AHR: variants seen among roughly 807,000 people sequenced by gnomAD.
AHR encodes the protein AH-receptor.
A neutral mutation model predicts 86.8 loss-of-function variants in AHR; 40 were observed. The observed-to-expected ratio is 0.46, with a 90% CI of 0.36 to 0.60. The LOEUF is 0.60. Ranked by LOEUF, AHR falls within the 20% of genes least tolerant of loss-of-function variation. The pLI, the probability that AHR is intolerant of heterozygous loss-of-function variation, is 0.00. For missense variants in AHR, 1,001 were observed against 1,011.6 expected (o/e 0.99, Z 0.14); for synonymous variants, 398 against 354.9 (o/e 1.12, Z -1.37).
chr7:17,333,727 C>A (rs115852309), intron 6 of AHR, among the ~76,000 whole-genome samples, 185 bp from the exon 7 acceptor site: 1 of 151,758 alleles, frequency 6.6e-6, no homozygotes, highest in African/African-American at 2.4e-5. Flanking sequence ...TCATATTACT[C>A]TTTGAGATAG....
chr7:17,330,818 T>G lies in AHR; in HGVS notation c.637T>G (p.Ser213Ala), dbSNP rs778008418. Residue 213 changes from serine to alanine, a missense_variant, in exon 6 of 11, where the codon TCT (serine) becomes GCT (alanine). This residue lies in a region of AHR where 394 missense variants were observed against 468.5 expected (regional missense o/e 0.84). Transcript: ENST00000242057. Reference protein sequence around the residue: ...YNPDQIPPENSPLMERCFICR... With the variant: ...YNPDQIPPENAPLMERCFICR... ...CCCAGACCAGATTCCTCCAGAAAAC[T>G]CTCCTTTAATGGAGAGGTGCTTCAT... The G allele has an allele frequency of 4.3e-6, 7 of 1,612,336 alleles. No individual in the cohort carries two copies. In the Middle Eastern group the frequency reaches 9.9e-4, roughly 228 times the overall value.
chr7:17,328,986 T>C (rs909455500), intron 4 of AHR, among the ~76,000 whole-genome samples: 5 of 151,988 alleles, frequency 3.3e-5, no homozygotes, highest in African/African-American at 9.7e-5. Context: ...TGAAGCCTAA[T>C]GTATTATATA....
At chr7:17,333,835 T>C in intron 6 of AHR, 77 bp from the exon 7 acceptor site, 1 of 1,182,122 alleles carries the variant, frequency 8.5e-7, no homozygotes, top group Non-Finnish European at 1.2e-6. Context: ...GAGGCAGCCA[T>C]AATGGAGCCT....
intron 3 of AHR, among the ~76,000 whole-genome samples, chr7:17,323,104 T>C (rs1403977739): frequency 6.6e-6 from 1 of 152,090 alleles, no homozygotes; most frequent in East Asian, 1.9e-4. Context: ...AAGTAATGCA[T>C]GACTGTATAT....
At chr7:17,314,507 TGCA>T (rs1782096571) in intron 2 of AHR, among the ~76,000 whole-genome samples, 1 of 152,088 alleles carries the variant, frequency 6.6e-6, no homozygotes, top group Non-Finnish European at 1.5e-5. Flanking sequence ...GTCTTCCTTT[TGCA>T]GATGCTTTAA....
At chr7:17,326,938 A>G (rs994199581) in intron 3 of AHR, among the ~76,000 whole-genome samples, 4 of 152,196 alleles carry the variant, frequency 2.6e-5, no homozygotes, top group Admixed American at 1.3e-4. Context: ...TGATAATAAT[A>G]AAGTGATCTA....
intron 3 of AHR, among the ~76,000 whole-genome samples, chr7:17,324,348 T>G (rs1782205674): frequency 6.6e-6 from 1 of 152,212 alleles, no homozygotes; most frequent in South Asian, 2.1e-4. Flanking sequence ...AACAATTGCA[T>G]AATGACATCT....
chr7:17,337,617 G>T (rs1268365649), intron 9 of AHR, among the ~76,000 whole-genome samples: 1 of 150,792 alleles, frequency 6.6e-6, no homozygotes, highest in African/African-American at 2.4e-5. Context: ...TGGGACTACA[G>T]GCGCCCGCCA....
rs762682574 is a variant in AHR at position 17,323,217 on chromosome 7, T to C, written c.360+610T>C. 5.3e-5 allele frequency among the ~76,000 whole-genome samples: 8 copies of C among 152,264 alleles called. No individual in the cohort carries two copies. The South Asian group carries it at 1.0e-3, about 20-fold the overall frequency. On this transcript the variant is annotated intron_variant, in intron 3 of 10. Coordinates refer to ENST00000242057, the MANE Select transcript of AHR (RefSeq NM_001621.5). ...ATTTTAGAGGTTCTAATTTAAGATG[T>C]TGAATTTATATATATTTTTATGGAA...
chr7:17,342,852 T>C, intron 10 of AHR, 69 bp from the exon 11 acceptor site: 1 of 1,439,046 alleles, frequency 6.9e-7, no homozygotes, highest in Non-Finnish European at 9.6e-7. Flanking sequence ...TACATGTTAA[T>C]GTTATTTACT....
rs1211797770 is a variant in AHR, at chr7:17,343,095, GATTAA to G, written c.*36_*40del. 1.9e-6 allele frequency: 3 copies of G among 1,609,696 alleles called. No homozygotes were observed. Among genetic ancestry groups the G allele is most frequent in the Non-Finnish European group, 2.5e-6 (3 of 1,176,792 alleles). On this transcript the variant is annotated 3_prime_UTR_variant, in exon 11 of 11. Coordinates refer to ENST00000242057, the MANE Select transcript of AHR (RefSeq NM_001621.5). ...AGCCCAATTTTGACCCTGGTTTTTGGATTAAATTAGTTTGTGAAGGATTATGGAAA... is the reference window on the plus strand; with the variant it reads ...AGCCCAATTTTGACCCTGGTTTTTGGATTAGTTTGTGAAGGATTATGGAAA...
intron 6 of AHR, among the ~76,000 whole-genome samples, chr7:17,332,273 A>G (rs1330809348): frequency 6.6e-6 from 1 of 151,918 alleles, no homozygotes; most frequent in Non-Finnish European, 1.5e-5. Flanking sequence ...ATTAATCATT[A>G]TTTTACTTTA....
chr7:17,343,114 G>A lies in AHR; in HGVS notation c.*50G>A. On this transcript the variant is annotated 3_prime_UTR_variant, in exon 11 of 11. Transcript: ENST00000242057. ...TTTTTGGATTAAATTAGTTTGTGAA[G>A]GATTATGGAAAAATAAAACTGTCAC... is the stretch of plus-strand genomic sequence containing the variant. The A allele has an allele frequency of 1.3e-6, 2 of 1,594,122 alleles. No homozygotes were observed. The highest frequency in any genetic ancestry group is 1.7e-6 in the Non-Finnish European group (2 of 1,163,974).
intron 1 of AHR, among the ~76,000 whole-genome samples, chr7:17,299,933 G>A (rs1307482994): frequency 6.6e-6 from 1 of 152,224 alleles, no homozygotes; most frequent in African/African-American, 2.4e-5. Context: ...AGAAGTGGTA[G>A]CAGGTGGGAG....
intron 9 of AHR, chr7:17,336,190 C>T (rs975265883): frequency 1.3e-5 from 2 of 156,604 alleles, no homozygotes; most frequent in African/African-American, 4.8e-5. Flanking sequence ...AATGTTTCCT[C>T]CCACTCTGGA....
At chr7:17,316,187 GA>G (rs1486554158) in intron 2 of AHR, among the ~76,000 whole-genome samples, 34 of 152,322 alleles carry the variant, frequency 2.2e-4, no homozygotes, top group African/African-American at 7.7e-4. Context: ...AGTGTAAACT[GA>G]AATGAAATGA....
intron 10 of AHR, among the ~76,000 whole-genome samples, chr7:17,341,220 T>C (rs189357237): frequency 3.0e-4 from 45 of 152,286 alleles, no homozygotes; most frequent in Admixed American, 2.6e-3. Context: ...TTCTGGCTTT[T>C]TCATACATTT....
intron 2 of AHR, among the ~76,000 whole-genome samples, chr7:17,314,131 T>C (rs1782092880): frequency 6.6e-6 from 1 of 152,166 alleles, no homozygotes; most frequent in Non-Finnish European, 1.5e-5. Context: ...TTTTGTTTTC[T>C]GTTTACATAC....
intron 1 of AHR, among the ~76,000 whole-genome samples, chr7:17,301,117 C>T (rs1167823516): frequency 6.6e-6 from 1 of 152,018 alleles, no homozygotes; most frequent in East Asian, 1.9e-4. Flanking sequence ...CATTCACCCA[C>T]ATTTTGTTAG....
Sources: gnomAD v4.1 joint callset for allele counts (sites outside exome capture counted in the v4.1 genomes callset) on GRCh38, gnomAD v4.1.1 for gene constraint, gnomAD v4.1.1 regional missense constraint, MANE v1.5 for transcripts, NCBI Gene and HGNC (gene_info 2026-07-23, HGNC 2026-07-21) for gene names.